The following CAMTA1 variants were observed in gnomAD, a reference collection of about 807,000 sequenced individuals.
CAMTA1 encodes the protein calmodulin-binding transcription activator 1.
A neutral mutation model predicts 170.9 loss-of-function variants in CAMTA1; 27 were observed. The observed-to-expected ratio is 0.16, with a 90% CI of 0.12 to 0.22. The LOEUF is 0.22. Among genes scored for constraint, CAMTA1 ranks in the 10% least tolerant of loss-of-function variants. The pLI is 1.00. For synonymous variants in CAMTA1, 833 were observed against 891.5 expected (o/e 0.93, Z 1.17); for missense variants, 1,619 against 2,217.2 (o/e 0.73, Z 5.42).
At chr1:6,986,796 C>G (rs1356083831) in intron 3 of CAMTA1, among the ~76,000 whole-genome samples, 1 of 152,088 alleles carries the variant, frequency 6.6e-6, no homozygotes, top group African/African-American at 2.4e-5. Context: ...ATGCAGGGAG[C>G]AAACCTCCCA....
chr1:7,720,276 C>G (rs2096640972), intron 11 of CAMTA1, among the ~76,000 whole-genome samples: 1 of 152,200 alleles, frequency 6.6e-6, no homozygotes, highest in Non-Finnish European at 1.5e-5. Context: ...AAAGCCACTC[C>G]TTTCATTGAG....
rs1274490843 is a variant in CAMTA1 at position 7,251,939 on chromosome 1, T to C, written c.438+2313T>C. Among the ~76,000 whole-genome samples the C allele has an allele frequency of 2.0e-5, 3 of 152,170 alleles. No homozygotes were observed. Among genetic ancestry groups the C allele is most frequent in the Non-Finnish European group, 2.9e-5 (2 of 68,024 alleles). ...TGCAGTTTACCTTTTCCACTCTGCA[T>C]TGTGGTCTGAGCTGTGTCTATGTTG... On this transcript the variant is annotated intron_variant, in intron 5 of 22. Transcript: ENST00000303635. The surrounding 1 kb of genome is among the most constrained non-coding windows in gnomAD (Gnocchi z 5.1).
intron 3 of CAMTA1, among the ~76,000 whole-genome samples, chr1:6,851,626 C>A (rs1490779262): frequency 6.6e-6 from 1 of 152,200 alleles, no homozygotes; most frequent in East Asian, 1.9e-4. Context: ...CTCCTGTGAT[C>A]CCAGCTCTTT....
chr1:7,353,072 T>C (rs1210719938), intron 5 of CAMTA1, among the ~76,000 whole-genome samples: 1 of 152,308 alleles, frequency 6.6e-6, no homozygotes, highest in African/African-American at 2.4e-5. Flanking sequence ...AACCCAGCAG[T>C]TGGGAACCTC....
intron 4 of CAMTA1, among the ~76,000 whole-genome samples, chr1:7,185,871 A>C (rs1179023162): frequency 6.6e-6 from 1 of 152,258 alleles, no homozygotes; most frequent in Admixed American, 6.5e-5. Context: ...ACATTAAAGG[A>C]AACTAAAGAG....
chr1:7,218,629 TG>T (rs1660176113), intron 4 of CAMTA1, among the ~76,000 whole-genome samples: 1 of 152,230 alleles, frequency 6.6e-6, no homozygotes, highest in Non-Finnish European at 1.5e-5. Flanking sequence ...GTCCATATTC[TG>T]GTCTATCTGG....
chr1:7,704,375 G>A (rs1183421242), intron 11 of CAMTA1, among the ~76,000 whole-genome samples: 1 of 146,346 alleles, frequency 6.8e-6, no homozygotes. Context: ...AGCCGTCCCG[G>A]CCTCGAGGGA....
chr1:7,657,357 T>C (rs1330373840), intron 7 of CAMTA1, among the ~76,000 whole-genome samples: 1 of 152,160 alleles, frequency 6.6e-6, no homozygotes, highest in Non-Finnish European at 1.5e-5. Flanking sequence ...CCATTCTGCC[T>C]GAGAACGGGG....
At chr1:7,401,898 TAGC>T (rs1337124988) in intron 5 of CAMTA1, among the ~76,000 whole-genome samples, 2 of 152,146 alleles carry the variant, frequency 1.3e-5, no homozygotes, top group Non-Finnish European at 2.9e-5. Context: ...GCTGTTTCCT[TAGC>T]AGCAGGAGCA....
At chr1:7,658,659 C>A (rs2095926761) in intron 7 of CAMTA1, among the ~76,000 whole-genome samples, 1 of 152,184 alleles carries the variant, frequency 6.6e-6, no homozygotes. Flanking sequence ...GTGCCCTGGG[C>A]ATAGGGACAG....
In CAMTA1 at chr1:7,325,235, C is replaced by T. The variant is rs1320810932; in HGVS notation, c.438+75609C>T. 6.6e-6 allele frequency among the ~76,000 whole-genome samples: 1 copy of T among 152,116 alleles called. No individual in the cohort carries two copies. Among genetic ancestry groups the T allele is most frequent in the Non-Finnish European group, 1.5e-5 (1 of 68,030 alleles). ...TGACAGATTCTAAACAATAAACATCCACGAGGAAATGATAGAAGATATCAG... is the reference window on the plus strand; with the variant it reads ...TGACAGATTCTAAACAATAAACATCTACGAGGAAATGATAGAAGATATCAG... On this transcript the variant is annotated intron_variant, in intron 5 of 22. Coordinates refer to ENST00000303635, the MANE Select transcript of CAMTA1 (RefSeq NM_015215.4). The surrounding 1 kb of genome is among the most constrained non-coding windows in gnomAD (Gnocchi z 5.0).
intron 6 of CAMTA1, among the ~76,000 whole-genome samples, chr1:7,512,287 G>C (rs772792130): frequency 2.0e-5 from 3 of 152,220 alleles, no homozygotes. Context: ...TATGTAACAT[G>C]TGGAAGGTAT....
chr1:7,129,533 G>C (rs775011021), intron 4 of CAMTA1, among the ~76,000 whole-genome samples: 2 of 152,188 alleles, frequency 1.3e-5, no homozygotes, highest in Non-Finnish European at 2.9e-5. Flanking sequence ...AATCTTAGCT[G>C]TGTGAGGTTC....
rs534913035 is a variant in CAMTA1, at chr1:7,309,604, AC to A, written c.438+59979del. On this transcript the variant is annotated intron_variant, in intron 5 of 22. Transcript: ENST00000303635. ...GTGAGCCGCCGCGCCCGGCCTGAAA[AC>A]TTTTATTCCTTTGTTTTTGTTCCTT... is the stretch of plus-strand genomic sequence containing the variant. 7.9e-5 allele frequency among the ~76,000 whole-genome samples: 12 copies of A among 151,676 alleles called. No individual in the cohort carries two copies. In the South Asian group the frequency reaches 2.5e-3, roughly 32 times the overall value.
chr1:6,922,999 G>A (rs902861581), intron 3 of CAMTA1, among the ~76,000 whole-genome samples: 1 of 152,134 alleles, frequency 6.6e-6, no homozygotes, highest in Non-Finnish European at 1.5e-5. Context: ...CACGAATAAG[G>A]TAGATTCCAT....
intron 11 of CAMTA1, among the ~76,000 whole-genome samples, chr1:7,730,417 G>A (rs1233923383): frequency 6.6e-6 from 1 of 152,100 alleles, no homozygotes; most frequent in Non-Finnish European, 1.5e-5. Flanking sequence ...GACATGTTTG[G>A]CTCTTTCTCA....
At chr1:7,338,710 G>A (rs924333278) in intron 5 of CAMTA1, among the ~76,000 whole-genome samples, 5 of 152,228 alleles carry the variant, frequency 3.3e-5, no homozygotes, top group Admixed American at 1.3e-4. Flanking sequence ...ACTACAGTGG[G>A]GAAGGTGCCT....
At chr1:7,744,525 A>G (rs988524359) in intron 16 of CAMTA1, among the ~76,000 whole-genome samples, 2 of 152,190 alleles carry the variant, frequency 1.3e-5, no homozygotes, top group African/African-American at 2.4e-5. Context: ...AGGTTACTCT[A>G]GAACTGCCCA....
chr1:7,066,961 T>C (rs983687380), intron 3 of CAMTA1, among the ~76,000 whole-genome samples: 1 of 152,268 alleles, frequency 6.6e-6, no homozygotes, highest in Non-Finnish European at 1.5e-5. Flanking sequence ...ACATTTGTTA[T>C]CGCTGACTCT....
Sources: gnomAD v4.1 joint callset for allele counts (sites outside exome capture counted in the v4.1 genomes callset) on GRCh38, gnomAD v4.1.1 for gene constraint, Gnocchi (gnomAD v3.1) non-coding constraint, MANE v1.5 for transcripts, NCBI Gene and HGNC (gene_info 2026-07-23, HGNC 2026-07-21) for gene names.